The following RHPN2 variants were observed in gnomAD, a reference collection of about 807,000 sequenced individuals.
RHPN2 encodes rhophilin Rho GTPase binding protein 2.
RHPN2 carries 40 observed loss-of-function variants against 79.0 expected under a neutral mutation model. The observed-to-expected ratio is 0.51, with a 90% CI of 0.39 to 0.66. The LOEUF is 0.66. RHPN2 is among the 30% of genes least tolerant of loss of function. RHPN2 has a pLI of 0.00. For synonymous variants in RHPN2, 285 were observed against 363.5 expected (o/e 0.78, Z 2.46); for missense variants, 686 against 883.5 (o/e 0.78, Z 2.83).
intron 7 of RHPN2, among the ~76,000 whole-genome samples, chr19:33,006,330 G>A (rs1399855780): frequency 6.6e-6 from 1 of 152,148 alleles, no homozygotes; most frequent in East Asian, 1.9e-4. Flanking sequence ...TGGAGTAGCT[G>A]GAACTACGGG....
At chr19:33,056,908 G>A (rs545550633) in intron 1 of RHPN2, among the ~76,000 whole-genome samples, 1 of 147,148 alleles carries the variant, frequency 6.8e-6, no homozygotes, top group Admixed American at 7.0e-5. Context: ...ATGAGATTGA[G>A]ACCATCCTGG....
At chr19:33,010,931 C>T (rs1971830521) in intron 6 of RHPN2, among the ~76,000 whole-genome samples, 1 of 152,162 alleles carries the variant, frequency 6.6e-6, no homozygotes, top group South Asian at 2.1e-4. Flanking sequence ...GATCTGCCTG[C>T]CTCGGCCTCC....
Position 33,012,167 on chromosome 19 carries a change from G to A in RHPN2, c.469-364C>T, listed in dbSNP as rs537936217. On this transcript the variant is annotated intron_variant, in intron 5 of 14. Coordinates refer to ENST00000254260, the MANE Select transcript of RHPN2 (RefSeq NM_033103.5). Reference sequence around the variant, plus strand: ...AGTGATTCTCCTGCCTCAGCCTCCCGAGTAGCTGGGATTACAGGCGTGTAG... The same window carrying A: ...AGTGATTCTCCTGCCTCAGCCTCCCAAGTAGCTGGGATTACAGGCGTGTAG... Among the ~76,000 whole-genome samples, 19 of 151,032 alleles carry A rather than the reference G, an allele frequency of 1.3e-4. No individual in the cohort carries two copies. The South Asian group carries it at 2.5e-3, about 20-fold the overall frequency.
At chr19:33,023,003 C>T (rs1971936730) in intron 3 of RHPN2, among the ~76,000 whole-genome samples, 1 of 152,178 alleles carries the variant, frequency 6.6e-6, no homozygotes, top group Admixed American at 6.5e-5. Flanking sequence ...CCCAATGTGG[C>T]AATGACAGCG....
intron 14 of RHPN2, among the ~76,000 whole-genome samples, chr19:32,989,861 C>A (rs1266338205): frequency 1.3e-5 from 2 of 151,916 alleles, no homozygotes; most frequent in East Asian, 3.9e-4. Context: ...TCCCAGCACT[C>A]TGGGAGGCCG....
chr19:33,013,207 AAC>A (rs1168194882), intron 4 of RHPN2, among the ~76,000 whole-genome samples: 6,122 of 89,584 alleles, frequency 0.068, 239 homozygotes, highest in African/African-American at 0.16. Flanking sequence ...AAAAACAAAA[AAC>A]AAAAAACAGA....
intron 10 of RHPN2, 56 bp from the exon 11 acceptor site, chr19:32,996,276 A>T: frequency 6.2e-7 from 1 of 1,602,370 alleles, no homozygotes; most frequent in East Asian, 2.2e-5. Context: ...CAGAGCATAA[A>T]GGCCCAAGGG....
Position 32,996,128 on chromosome 19 carries a change from G to A in RHPN2, c.1318C>T (p.Gln440Ter). The A allele has an allele frequency of 6.2e-7, 1 of 1,614,160 alleles. No individual in the cohort carries two copies. Among genetic ancestry groups the A allele is most frequent in the Non-Finnish European group, 8.5e-7 (1 of 1,179,988 alleles). Reference protein sequence around the residue: ...CKKLRSIEVLQKVLCAAQERS... With the variant: ...CKKLRSIEVL ...TCCTGTGCGGCACACAGCACCTTCT[G>A]TAGCACCTCAATGCTCCGCAGCTTC... is the stretch of plus-strand genomic sequence containing the variant. Residue 440 changes from glutamine to a stop codon, truncating the protein, a stop_gained, in exon 11 of 15, where the codon CAG (glutamine) becomes TAG (stop). Transcript: ENST00000254260. LOFTEE classifies it high-confidence loss of function.
intron 11 of RHPN2, among the ~76,000 whole-genome samples, chr19:32,995,784 G>A (rs534280265): frequency 3.3e-5 from 5 of 152,076 alleles, no homozygotes; most frequent in Non-Finnish European, 5.9e-5. Flanking sequence ...ACTTGAACCC[G>A]GGAAGCAGAG....
chr19:33,049,174 C>A (rs116809874), intron 1 of RHPN2, among the ~76,000 whole-genome samples: 1 of 152,108 alleles, frequency 6.6e-6, no homozygotes, highest in African/African-American at 2.4e-5. Context: ...GAAACACCCA[C>A]GGGGCTGTGT....
intron 1 of RHPN2, among the ~76,000 whole-genome samples, chr19:33,047,377 T>C (rs531519618): frequency 6.8e-4 from 104 of 152,132 alleles, no homozygotes; most frequent in Admixed American, 2.0e-3. Context: ...TGCCCTGGGG[T>C]ATTTGGATTA....
In RHPN2 at chr19:32,992,776, A is replaced by G. The variant is rs1200799493; in HGVS notation, c.1498-807T>C. On this transcript the variant is annotated intron_variant, in intron 12 of 14. Coordinates refer to ENST00000254260, the MANE Select transcript of RHPN2 (RefSeq NM_033103.5). ...CAGTGAACTATGATTGTGCCACTGC[A>G]CTCCAGCCTGGGTGAAAACAGAGTT... Among the ~76,000 whole-genome samples, 7 of 149,446 alleles carry G rather than the reference A, an allele frequency of 4.7e-5. No individual in the cohort carries two copies. The East Asian group carries it at 1.4e-3, about 29-fold the overall frequency.
intron 7 of RHPN2, 75 bp downstream of exon 7, chr19:33,007,939 C>T: frequency 6.6e-7 from 1 of 1,526,334 alleles, no homozygotes; most frequent in Non-Finnish European, 9.1e-7. Context: ...CCTGTAGATT[C>T]TCTTCAGTGG....
At chr19:33,013,574 T>G (rs1599818352) in intron 4 of RHPN2, among the ~76,000 whole-genome samples, 1 of 152,242 alleles carries the variant, frequency 6.6e-6, no homozygotes, top group East Asian at 1.9e-4. Flanking sequence ...TCTTTGTGTC[T>G]GCGCATCGTG....
intron 1 of RHPN2, among the ~76,000 whole-genome samples, chr19:33,046,391 G>A (rs1411037356): frequency 2.0e-5 from 3 of 151,970 alleles, no homozygotes; most frequent in Admixed American, 1.3e-4. Flanking sequence ...TCAGCCTCCC[G>A]GGTAGCTGGG....
At chr19:33,016,280 T>G (rs987673625) in intron 4 of RHPN2, among the ~76,000 whole-genome samples, 1 of 152,016 alleles carries the variant, frequency 6.6e-6, no homozygotes, top group African/African-American at 2.4e-5. Flanking sequence ...GGCTCAATCA[T>G]AGCTGACTGC....
At position 33,019,451 on chromosome 19, in the gene RHPN2, T is replaced by C. The variant is rs186297251; in HGVS notation, c.390+2120A>G. On this transcript the variant is annotated intron_variant, in intron 4 of 14. Coordinates refer to ENST00000254260, the MANE Select transcript of RHPN2 (RefSeq NM_033103.5). ...ATAATTAGCCAGGCATGGTGGCACA[T>C]GCCTGTAATCCCAGCTACTCGTAAG... Among the ~76,000 whole-genome samples the C allele has an allele frequency of 2.4e-4, 37 of 151,814 alleles. 1 individual carries two copies. The highest frequency in any genetic ancestry group is 8.7e-4 in the African/African-American group (36 of 41,426).
chr19:33,034,581 G>A (rs1280846913), intron 2 of RHPN2, among the ~76,000 whole-genome samples: 4 of 145,118 alleles, frequency 2.8e-5, no homozygotes, highest in Non-Finnish European at 6.0e-5. Context: ...ACTCCAGGCT[G>A]GGTGACAGAG....
intron 9 of RHPN2, among the ~76,000 whole-genome samples, chr19:33,000,202 C>T (rs185861980): frequency 2.0e-4 from 29 of 148,458 alleles, no homozygotes; most frequent in Middle Eastern, 3.4e-3. Context: ...TGGGACCAGT[C>T]ACACTCCAGA....
Sources: gnomAD v4.1 joint callset for allele counts (sites outside exome capture counted in the v4.1 genomes callset) on GRCh38, gnomAD v4.1.1 for gene constraint, MANE v1.5 for transcripts, NCBI Gene and HGNC (gene_info 2026-07-23, HGNC 2026-07-21) for gene names.